Variants in NUP210 observed in about 807,000 individuals in gnomAD.
NUP210 encodes nuclear pore membrane glycoprotein 210.
In NUP210, 151 loss-of-function variants were observed where a neutral mutation model predicts 196.0. The observed-to-expected ratio is 0.77, with a 90% CI of 0.67 to 0.88. NUP210 has a LOEUF of 0.88. Ranked by LOEUF, NUP210 falls within the 40% of genes least tolerant of loss-of-function variation. The probability of loss-of-function intolerance (pLI) is 0.00; values close to 1 mark genes in which losing one functional copy is unlikely to be tolerated. For synonymous variants in NUP210, 1,070 were observed against 1,052.7 expected (o/e 1.02, Z -0.32); for missense variants, 2,314 against 2,493.7 (o/e 0.93, Z 1.53).
chr3:13,343,339 T>TGGGGGGGGGGGGGG, intron 20 of NUP210, 36 bp from the exon 21 acceptor site: 3 of 282,488 alleles, frequency 1.1e-5, no homozygotes, highest in African/African-American at 7.1e-5. Flanking sequence ...GGGTGGGTGG[T>TGGGGGGGGGGGGGG]GGGTTACGCA....
chr3:13,385,684 C>A (rs1346821824), intron 6 of NUP210, among the ~76,000 whole-genome samples: 1 of 152,192 alleles, frequency 6.6e-6, no homozygotes, highest in Non-Finnish European at 1.5e-5. Context: ...AGGGCATATA[C>A]CCCAAAGAAT....
chr3:13,352,560 TG>T (rs1275033774), intron 18 of NUP210, among the ~76,000 whole-genome samples: 1 of 152,198 alleles, frequency 6.6e-6, no homozygotes, highest in East Asian at 1.9e-4. Context: ...GAGGGTCCCC[TG>T]GAAGTGTGGC....
intron 20 of NUP210, among the ~76,000 whole-genome samples, chr3:13,349,413 C>T (rs1187186869): frequency 1.3e-5 from 2 of 152,210 alleles, no homozygotes; most frequent in African/African-American, 4.8e-5. Context: ...TCATCTTCCA[C>T]CCAGAACCCA....
rs1238260240 is a variant in NUP210, at chr3:13,340,006, G to A, written c.3319C>T (p.Gln1107Ter). 2 of 1,613,996 alleles carry A rather than the reference G, an allele frequency of 1.2e-6. No individual in the cohort carries two copies. Among genetic ancestry groups the A allele is most frequent in the African/African-American group, 1.3e-5 (1 of 75,068 alleles). Reference sequence around the variant, plus strand: ...CTGATGGAGAAAAGGATGTTGGACTGAGGCTGGGGGCCGCCCTCGGAGGTG... The same window carrying A: ...CTGATGGAGAAAAGGATGTTGGACTAAGGCTGGGGGCCGCCCTCGGAGGTG... ...QVTSEGGPQP[Q>*]SNILFSISNE... The change falls in exon 25 of 40, where the codon CAG becomes TAG. Residue 1107 changes from glutamine (Q) to a stop codon, truncating the protein, a stop_gained. Transcript: ENST00000254508. LOFTEE classifies it high-confidence loss of function. The surrounding 1 kb of genome is among the most constrained non-coding windows in gnomAD (Gnocchi z 4.0).
At position 13,397,447 on chromosome 3, in the gene NUP210, T is replaced by C; in HGVS notation, c.346A>G (p.Ile116Val). Reference protein sequence around the residue: ...VLRCDAIVDLIHDIQIVSTTR... With the variant: ...VLRCDAIVDLVHDIQIVSTTR... ...GTGGAGACGATCTGGATGTCATGGA[T>C]GAGGTCCACAATGGCATCACAGCGC... Residue 116 changes from isoleucine to valine, a missense_variant, in exon 3 of 40, where the codon ATC (isoleucine) becomes GTC (valine). Physicochemically the swap from Ile to Val is conservative, Grantham distance 29. Transcript: ENST00000254508. 6.2e-7 allele frequency: 1 copy of C among 1,612,786 alleles called. No individual in the cohort carries two copies. The highest frequency in any genetic ancestry group is 8.5e-7 in the Non-Finnish European group (1 of 1,179,476).
At chr3:13,409,839 A>AT (rs146104434) in intron 1 of NUP210, among the ~76,000 whole-genome samples, 32,935 of 123,020 alleles carry the variant, frequency 0.27, 5,714 homozygotes, top group African/African-American at 0.56. Context: ...CCTGAATACT[A>AT]ATTTTTTTTT....
intron 36 of NUP210, among the ~76,000 whole-genome samples, 194 bp downstream of exon 36, chr3:13,321,391 A>T (rs964014711): frequency 2.9e-4 from 44 of 152,256 alleles, no homozygotes; most frequent in Non-Finnish European, 4.8e-4. Flanking sequence ...AACAATTAAT[A>T]CAATCACGCA....
chr3:13,354,947 C>T (rs530390538), intron 16 of NUP210, among the ~76,000 whole-genome samples: 4 of 152,324 alleles, frequency 2.6e-5, no homozygotes, highest in Admixed American at 2.6e-4. Context: ...TGGGCTATCC[C>T]TCCCTTCTCT....
chr3:13,376,148 C>G, intron 10 of NUP210, 143 bp downstream of exon 10: 1 of 771,252 alleles, frequency 1.3e-6, no homozygotes. Context: ...GAAAATAGAA[C>G]CCAGGATGCA....
intron 6 of NUP210, among the ~76,000 whole-genome samples, chr3:13,384,616 C>T (rs890724424): frequency 6.6e-6 from 1 of 152,216 alleles, no homozygotes; most frequent in South Asian, 2.1e-4. Flanking sequence ...CTTACAACTG[C>T]CCAACACTGA....
At position 13,341,835 on chromosome 3, in the gene NUP210, G is replaced by A. The variant is rs749341284; in HGVS notation, c.3141C>T (p.Arg1047=). 2.4e-5 allele frequency: 39 copies of A among 1,614,186 alleles called. No individual in the cohort carries two copies. The highest frequency in any genetic ancestry group is 3.0e-5 in the Non-Finnish European group (35 of 1,180,024). Residue 1047 remains arginine (R), a synonymous_variant, in exon 23 of 40, where the codon CGC becomes CGT. Coordinates refer to ENST00000254508, the MANE Select transcript of NUP210 (RefSeq NM_024923.4). Reference sequence around the variant, plus strand: ...GACTGGTCTGGCCGATGGCCACACCGCGGATGAGGAATGTGATGGTGTAGT... The same window carrying A: ...GACTGGTCTGGCCGATGGCCACACCACGGATGAGGAATGTGATGGTGTAGT... ...LDNYTITFLI[R]GVAIGQTSLT...
At chr3:13,408,402 T>C (rs538751830) in intron 1 of NUP210, among the ~76,000 whole-genome samples, 1 of 152,328 alleles carries the variant, frequency 6.6e-6, no homozygotes, top group African/African-American at 2.4e-5. Flanking sequence ...CTTCTCTCTC[T>C]CCTGAGAGTC....
intron 20 of NUP210, among the ~76,000 whole-genome samples, chr3:13,349,208 C>A (rs1029253189): frequency 6.6e-6 from 1 of 152,204 alleles, no homozygotes. Context: ...TCCTCCCTGA[C>A]CTCCCACCCC....
At chr3:13,375,084 A>G (rs1420662592) in intron 11 of NUP210, among the ~76,000 whole-genome samples, 2 of 152,142 alleles carry the variant, frequency 1.3e-5, no homozygotes, top group Non-Finnish European at 2.9e-5. Flanking sequence ...TTTTTAGAAA[A>G]ATAAACATTA....
At chr3:13,390,745 C>T (rs1002520130) in intron 4 of NUP210, among the ~76,000 whole-genome samples, 11 of 152,248 alleles carry the variant, frequency 7.2e-5, no homozygotes, top group Admixed American at 5.9e-4. Context: ...GAGGATGACA[C>T]AGGTCAAGAT....
At chr3:13,339,067 C>T (rs746683686) in intron 25 of NUP210, among the ~76,000 whole-genome samples, 3 of 152,176 alleles carry the variant, frequency 2.0e-5, no homozygotes, top group Non-Finnish European at 4.4e-5. Flanking sequence ...CTACCCCATC[C>T]CCAGGACAGG....
chr3:13,319,358 C>G, intron 37 of NUP210, 33 bp from the exon 38 acceptor site: 1 of 1,544,678 alleles, frequency 6.5e-7, no homozygotes, highest in African/African-American at 1.4e-5. Flanking sequence ...TTACCAAAAC[C>G]ACCAGGCCCA....
intron 13 of NUP210, among the ~76,000 whole-genome samples, chr3:13,370,049 T>A (rs1698676435): frequency 6.6e-6 from 1 of 152,172 alleles, no homozygotes. Context: ...CTGAGTAAGC[T>A]CCAGGGTGGG....
intron 20 of NUP210, among the ~76,000 whole-genome samples, chr3:13,351,008 A>G (rs1697952781): frequency 6.6e-6 from 1 of 152,150 alleles, no homozygotes; most frequent in Non-Finnish European, 1.5e-5. Flanking sequence ...AGAAATTCTT[A>G]AATTGAAAAG....
Sources: allele counts gnomAD v4.1 joint callset (sites outside exome capture counted in the v4.1 genomes callset), GRCh38; gene constraint gnomAD v4.1.1; non-coding constraint Gnocchi (gnomAD v3.1); transcripts MANE v1.5; gene names NCBI Gene and HGNC (gene_info 2026-07-23, HGNC 2026-07-21).